KCNMB2: variants seen among roughly 807,000 people sequenced by gnomAD.
KCNMB2 encodes calcium-activated potassium channel subunit beta-2.
A neutral mutation model predicts 24.5 loss-of-function variants in KCNMB2; 9 were observed. That is an observed-to-expected ratio of 0.37 (90% CI 0.22 to 0.64). The LOEUF (loss-of-function observed/expected upper bound fraction) is 0.64, where lower values mean the gene tolerates loss of function less well. Among genes scored for constraint, KCNMB2 ranks in the 30% least tolerant of loss-of-function variants. The pLI, the probability that KCNMB2 is intolerant of heterozygous loss-of-function variation, is 0.63. For synonymous variants in KCNMB2, 109 were observed against 104.4 expected (o/e 1.04, Z -0.27); for missense variants, 226 against 284.3 (o/e 0.79, Z 1.47).
At chr3:178,721,840 T>C (rs1722817179) in intron 1 of KCNMB2, among the ~76,000 whole-genome samples, 1 of 152,230 alleles carries the variant, frequency 6.6e-6, no homozygotes, top group Non-Finnish European at 1.5e-5. Context: ...TGGTGTTGAT[T>C]ACCTTTTTAT....
intron 1 of KCNMB2, among the ~76,000 whole-genome samples, chr3:178,573,466 G>T (rs1394722433): frequency 6.6e-6 from 1 of 152,058 alleles, no homozygotes; most frequent in African/African-American, 2.4e-5. Context: ...GCTGTGTACA[G>T]TGGGGGCTCA....
intron 1 of KCNMB2, among the ~76,000 whole-genome samples, chr3:178,615,994 G>C (rs1042404823): frequency 2.0e-5 from 3 of 152,100 alleles, no homozygotes; most frequent in African/African-American, 7.2e-5. Context: ...GGAACTTCAC[G>C]ACTCTGACTG....
intron 1 of KCNMB2, among the ~76,000 whole-genome samples, chr3:178,591,701 G>A (rs768911689): frequency 4.6e-5 from 7 of 152,090 alleles, no homozygotes; most frequent in Admixed American, 2.0e-4. Context: ...GAGAATAAGC[G>A]CTGGTCCCTA....
chr3:178,587,786 G>A (rs1024881676), intron 1 of KCNMB2, among the ~76,000 whole-genome samples: 6 of 150,528 alleles, frequency 4.0e-5, no homozygotes, highest in Admixed American at 1.3e-4. Flanking sequence ...TGTGCACAAC[G>A]TGCAGGTTTG....
chr3:178,661,070 G>A (rs1275425052), intron 1 of KCNMB2, among the ~76,000 whole-genome samples: 2 of 151,944 alleles, frequency 1.3e-5, no homozygotes, highest in African/African-American at 4.8e-5. Flanking sequence ...CACGTGTCAT[G>A]GTGGTTTGCT....
chr3:178,630,431 C>T (rs988096389), intron 1 of KCNMB2, among the ~76,000 whole-genome samples: 1 of 152,220 alleles, frequency 6.6e-6, no homozygotes, highest in African/African-American at 2.4e-5. Context: ...ATCACTAATG[C>T]CAAGGTCATG....
chr3:178,771,419 T>A (rs1430561088), intron 1 of KCNMB2, among the ~76,000 whole-genome samples: 1 of 150,958 alleles, frequency 6.6e-6, no homozygotes, highest in East Asian at 2.0e-4. Flanking sequence ...GGACATTGCC[T>A]ACAGGCCTTT....
chr3:178,800,014 G>C (rs191823910), intron 1 of KCNMB2, among the ~76,000 whole-genome samples: 1 of 152,018 alleles, frequency 6.6e-6, no homozygotes, highest in Non-Finnish European at 1.5e-5. Flanking sequence ...CTTGCCATGT[G>C]CAAAAAACAA....
At chr3:178,759,321 ATATATATATATAT>A (rs1711574457) in intron 1 of KCNMB2, among the ~76,000 whole-genome samples, 5 of 102,972 alleles carry the variant, frequency 4.9e-5, no homozygotes, top group Admixed American at 3.1e-4. Flanking sequence ...AAGAGGATAT[ATATATATATATAT>A]CTCCAAGAGG....
chr3:178,674,234 G>T (rs73181193), intron 1 of KCNMB2, among the ~76,000 whole-genome samples: 12,631 of 151,630 alleles, frequency 0.083, 564 homozygotes, highest in Middle Eastern at 0.13. Context: ...CTTATCTAGT[G>T]CCATGGCTCT....
intron 1 of KCNMB2, among the ~76,000 whole-genome samples, chr3:178,667,087 A>AT (rs913427219): frequency 6.6e-6 from 1 of 151,984 alleles, no homozygotes. Flanking sequence ...TATTTATTTT[A>AT]TTTTTTTCAA....
At chr3:178,565,330 C>T (rs563170748) in intron 1 of KCNMB2, among the ~76,000 whole-genome samples, 9 of 152,292 alleles carry the variant, frequency 5.9e-5, no homozygotes, top group Non-Finnish European at 1.3e-4. Context: ...GCAGTCGAGA[C>T]TCATCATAGT....
chr3:178,746,121 G>A (rs113357756), intron 1 of KCNMB2, among the ~76,000 whole-genome samples: 1 of 152,204 alleles, frequency 6.6e-6, no homozygotes, highest in Non-Finnish European at 1.5e-5. Context: ...CATTGCCCTA[G>A]CAGAGGTTCT....
intron 1 of KCNMB2, among the ~76,000 whole-genome samples, chr3:178,798,383 GTTTA>G (rs762950165): frequency 2.9e-4 from 44 of 151,312 alleles, no homozygotes; most frequent in Admixed American, 7.2e-4. Context: ...TTGTTTTTGT[GTTTA>G]TTTGTTTGTT....
intron 1 of KCNMB2, among the ~76,000 whole-genome samples, chr3:178,621,685 T>A (rs1180358233): frequency 6.6e-6 from 1 of 152,132 alleles, no homozygotes; most frequent in Non-Finnish European, 1.5e-5. Context: ...GTGAGATAAA[T>A]TACTCTGTTA....
intron 1 of KCNMB2, chr3:178,748,374 G>A (rs1041021007): frequency 2.0e-5 from 3 of 152,136 alleles, no homozygotes; most frequent in African/African-American, 7.2e-5. Context: ...CCTAAGAAGG[G>A]AGAAACTTTT....
intron 1 of KCNMB2, among the ~76,000 whole-genome samples, chr3:178,682,063 T>C (rs988121793): frequency 1.3e-5 from 2 of 152,116 alleles, no homozygotes; most frequent in African/African-American, 4.8e-5. Context: ...TTCTAAATGT[T>C]CCCCATCCCC....
At chr3:178,744,181 C>T (rs1181174991) in intron 1 of KCNMB2, among the ~76,000 whole-genome samples, 4 of 152,124 alleles carry the variant, frequency 2.6e-5, no homozygotes, top group Non-Finnish European at 5.9e-5. Context: ...TAAATGAAGC[C>T]ATAATGGGGC....
intron 1 of KCNMB2, among the ~76,000 whole-genome samples, chr3:178,691,598 T>C (rs954553042): frequency 1.3e-5 from 2 of 152,210 alleles, no homozygotes; most frequent in Non-Finnish European, 2.9e-5. Context: ...TCATTCTTTT[T>C]ATGGCTGCAT....
Sources: allele counts gnomAD v4.1 joint callset (sites outside exome capture counted in the v4.1 genomes callset), GRCh38; gene constraint gnomAD v4.1.1; transcripts MANE v1.5; gene names NCBI Gene and HGNC (gene_info 2026-07-23, HGNC 2026-07-21).